The following BCO2 variants were observed in gnomAD, a reference collection of about 807,000 sequenced individuals.
BCO2 encodes the protein carotenoid-cleaving dioxygenase, mitochondrial.
In BCO2, 56 loss-of-function variants were observed where a neutral mutation model predicts 65.8. That is an observed-to-expected ratio of 0.85 (90% CI 0.69 to 1.06). The LOEUF (loss-of-function observed/expected upper bound fraction) is 1.06, where lower values mean the gene tolerates loss of function less well. Among genes scored for constraint, BCO2 ranks in the 50% least tolerant of loss-of-function variants. BCO2 has a pLI of 0.00. For missense variants in BCO2, 675 were observed against 698.5 expected, an observed-to-expected ratio of 0.97 and a Z score of 0.38; for synonymous variants, 233 against 242.3, an observed-to-expected ratio of 0.96 and a Z score of 0.36.
At chr11:112,209,232 T>A (rs982179919) in intron 8 of BCO2, among the ~76,000 whole-genome samples, 3 of 152,214 alleles carry the variant, frequency 2.0e-5, no homozygotes, top group Non-Finnish European at 4.4e-5. Flanking sequence ...AATCTCCCTG[T>A]GCTCCCCCAT....
chr11:112,175,875 A>G, intron 1 of BCO2, 186 bp downstream of exon 1: 1 of 519,042 alleles, frequency 1.9e-6, no homozygotes, highest in East Asian at 2.9e-5. Flanking sequence ...TTGTTTCCTC[A>G]TGGTCAGGGA....
chr11:112,181,409 C>T, intron 2 of BCO2: 1 of 587,594 alleles, frequency 1.7e-6, no homozygotes, highest in Non-Finnish European at 3.2e-6. Flanking sequence ...TCTCGATCTC[C>T]TGACCTCGTG....
At chr11:112,185,051 T>C (rs913284487) in intron 2 of BCO2, among the ~76,000 whole-genome samples, 2 of 152,234 alleles carry the variant, frequency 1.3e-5, no homozygotes, top group Non-Finnish European at 2.9e-5. Context: ...ATGAATTATT[T>C]TCTTTGCTTT....
At chr11:112,191,025 C>T (rs577864747) in intron 2 of BCO2, among the ~76,000 whole-genome samples, 1 of 150,540 alleles carries the variant, frequency 6.6e-6, no homozygotes, top group African/African-American at 2.4e-5. Flanking sequence ...CTTGGTGCTA[C>T]AAGCAGTAAT....
chr11:112,199,620 G>C, intron 5 of BCO2, 79 bp from the exon 6 acceptor site: 1 of 1,335,702 alleles, frequency 7.5e-7, no homozygotes, highest in African/African-American at 1.5e-5. Flanking sequence ...ATTGCTTTTG[G>C]CAAGTCCACA....
At position 112,199,924 on chromosome 11, in the gene BCO2, C is replaced by T. The variant is rs547637533; in HGVS notation, c.865+97C>T. 9.5e-5 allele frequency: 136 copies of T among 1,425,268 alleles called. 1 individual carries two copies. The highest frequency in any genetic ancestry group is 9.4e-4 in the Middle Eastern group (5 of 5,330). The allele number at this position is 1,425,268 out of a possible 1,614,324, so 88.3% of individuals were successfully genotyped here. On this transcript the variant is annotated intron_variant, in intron 6 of 11. Transcript: ENST00000357685. The stretch of plus-strand genomic sequence containing the variant: ...CAAATGTTATGTTAATAGTTTATCA[C>T]GCTATGGTGATAATGAGACCAAGGT...
intron 1 of BCO2, chr11:112,175,942 G>T: frequency 2.7e-6 from 1 of 370,466 alleles, no homozygotes; most frequent in African/African-American, 2.0e-5. Context: ...TCAGGGACTT[G>T]GTATTCTTTG....
intron 6 of BCO2, 130 bp downstream of exon 6, chr11:112,199,957 T>C (rs1867685368): frequency 1.8e-6 from 2 of 1,090,398 alleles, no homozygotes; most frequent in African/African-American, 1.6e-5. Flanking sequence ...GGTTGCATTT[T>C]GATGCCAGGT....
chr11:112,204,449 G>A (rs914309272), intron 8 of BCO2, among the ~76,000 whole-genome samples: 6 of 152,112 alleles, frequency 3.9e-5, no homozygotes, highest in Non-Finnish European at 8.8e-5. Context: ...TGGGTCATAT[G>A]TTGTACAGTT....
chr11:112,201,427 C>T (rs985546535), intron 7 of BCO2, among the ~76,000 whole-genome samples: 3 of 152,098 alleles, frequency 2.0e-5, no homozygotes, highest in Non-Finnish European at 2.9e-5. Context: ...GGATTACAGG[C>T]GTGAGCCACT....
intron 2 of BCO2, among the ~76,000 whole-genome samples, chr11:112,180,530 G>A (rs1227588607): frequency 6.6e-6 from 1 of 152,078 alleles, no homozygotes; most frequent in African/African-American, 2.4e-5. Context: ...TCAATAAATC[G>A]ATGCCAATAA....
At chr11:112,186,464 T>C (rs1566771945) in intron 2 of BCO2, among the ~76,000 whole-genome samples, 1 of 152,168 alleles carries the variant, frequency 6.6e-6, no homozygotes, top group Non-Finnish European at 1.5e-5. Context: ...CTCAGTTTAG[T>C]GGTTGACTCC....
chr11:112,209,284 TG>T (rs1566796196), intron 8 of BCO2, among the ~76,000 whole-genome samples: 1 of 152,226 alleles, frequency 6.6e-6, no homozygotes, highest in African/African-American at 2.4e-5. Flanking sequence ...TGGAAACCAC[TG>T]ATCTTTTCAC....
At chr11:112,207,740 A>G (rs1859386061) in intron 8 of BCO2, among the ~76,000 whole-genome samples, 1 of 152,238 alleles carries the variant, frequency 6.6e-6, no homozygotes, top group South Asian at 2.1e-4. Context: ...AATTTGAGAG[A>G]GGACTAACCT....
rs780902962 is a variant in BCO2 at position 112,214,933 on chromosome 11, A to G, written c.1504A>G (p.Lys502Glu). Residue 502 changes from lysine (K) to glutamate (E), a missense_variant, in exon 10 of 12, where the codon AAG (lysine) becomes GAG (glutamate). Transcript: ENST00000357685. ...TCTGATCAAGGTTGATGTGGTGAAT[A>G]AGACACTGAAGGTGATGAAAAACTC... ...DSLIKVDVVN[K>E]TLKVWREDGF... 6.8e-6 allele frequency: 11 copies of G among 1,614,186 alleles called. No individual in the cohort carries two copies. The South Asian group carries it at 9.9e-5, about 14-fold the overall frequency.
At position 112,214,814 on chromosome 11, in the gene BCO2, G is replaced by C; in HGVS notation, c.1385G>C (p.Gly462Ala). Reference sequence around the variant, plus strand: ...CAGGAGGACCTAGAAAAGGAAGGAGGCATTGAATTTCCTCAGATCTACTAT... The same window carrying C: ...CAGGAGGACCTAGAAAAGGAAGGAGCCATTGAATTTCCTCAGATCTACTAT... ...LHQEDLEKEG[G>A]IEFPQIYYDR... is the part of the protein sequence containing the mutation. The change falls in exon 10 of 12, where the codon GGC (glycine) becomes GCC (alanine). Residue 462 changes from glycine to alanine, a missense_variant. Coordinates refer to ENST00000357685, the MANE Select transcript of BCO2 (RefSeq NM_031938.7). 1 of 1,613,792 alleles carries C rather than the reference G, an allele frequency of 6.2e-7. No homozygotes were observed. The highest frequency in any genetic ancestry group is 8.5e-7 in the Non-Finnish European group (1 of 1,179,716).
intron 2 of BCO2, among the ~76,000 whole-genome samples, chr11:112,191,276 A>G (rs1375104120): frequency 6.6e-6 from 1 of 152,150 alleles, no homozygotes; most frequent in Non-Finnish European, 1.5e-5. Context: ...GATCAATGAT[A>G]AAACTAAATT....
At chr11:112,188,118 T>C (rs1867255107) in intron 2 of BCO2, among the ~76,000 whole-genome samples, 1 of 152,158 alleles carries the variant, frequency 6.6e-6, no homozygotes, top group South Asian at 2.1e-4. Context: ...GTGGAACATC[T>C]ATACTCTGGT....
At chr11:112,216,187 C>T (rs1280355163) in intron 10 of BCO2, 33 bp from the exon 11 acceptor site, 2 of 1,469,132 alleles carry the variant, frequency 1.4e-6, no homozygotes, top group Middle Eastern at 1.7e-4. Context: ...TTACTACTTG[C>T]CTTTTATCAA....
Sources: gnomAD v4.1 joint callset for allele counts (sites outside exome capture counted in the v4.1 genomes callset) on GRCh38, gnomAD v4.1.1 for gene constraint, MANE v1.5 for transcripts, NCBI Gene and HGNC (gene_info 2026-07-23, HGNC 2026-07-21) for gene names.